DZIP1L: variants seen among roughly 807,000 people sequenced by gnomAD.
DZIP1L encodes cilium assembly protein DZIP1L.
In DZIP1L, 90 loss-of-function variants were observed where a neutral mutation model predicts 88.7. The observed-to-expected ratio is 1.02, with a 90% CI of 0.86 to 1.21. The LOEUF (loss-of-function observed/expected upper bound fraction) is 1.21. Among genes scored for constraint, DZIP1L ranks in the 50% most tolerant of loss-of-function variants. The pLI, the probability that DZIP1L is intolerant of heterozygous loss-of-function variation, is 0.00. For missense variants in DZIP1L, 932 were observed against 955.8 expected, an observed-to-expected ratio of 0.98 and a Z score of 0.33; for synonymous variants, 363 against 372.1, an observed-to-expected ratio of 0.98 and a Z score of 0.28.
chr3:138,075,371 T>C (rs1036685756), intron 11 of DZIP1L, among the ~76,000 whole-genome samples: 11 of 152,194 alleles, frequency 7.2e-5, no homozygotes, highest in African/African-American at 2.4e-4. Flanking sequence ...CATCAGCACA[T>C]GGAACATTCT....
intron 11 of DZIP1L, among the ~76,000 whole-genome samples, chr3:138,076,948 A>G (rs1943440322): frequency 6.6e-6 from 1 of 152,192 alleles, no homozygotes; most frequent in African/African-American, 2.4e-5. Context: ...AAAATAAAAT[A>G]TACATACATA....
intron 7 of DZIP1L, among the ~76,000 whole-genome samples, chr3:138,085,110 A>G (rs1943862596): frequency 1.3e-5 from 2 of 152,370 alleles, no homozygotes; most frequent in African/African-American, 2.4e-5. Context: ...TTAATTCAAG[A>G]TGGATTAAAG....
intron 2 of DZIP1L, 91 bp from the exon 3 acceptor site, chr3:138,097,938 G>T: frequency 9.1e-7 from 1 of 1,095,550 alleles, no homozygotes; most frequent in Non-Finnish European, 1.4e-6. Context: ...ATCCCCTTGG[G>T]ACCCCTGGGC....
In DZIP1L at chr3:138,077,510, C is replaced by A; in HGVS notation, c.1411G>T (p.Gly471Trp). The change falls in exon 11 of 16, where the codon GGG (glycine) becomes TGG (tryptophan). Residue 471 changes from glycine to tryptophan, a missense_variant. By Grantham distance (184) the Gly-to-Trp change is radical (BLOSUM62 -2). Coordinates refer to ENST00000327532, the MANE Select transcript of DZIP1L (RefSeq NM_173543.3). ...DTLEEKLESM[G>W]IRKDAKGISI... ...GCCCTGAAACTCACCTTCCTTATCCCCATGCTTTCGAGCTTCTCTTCCAGG... is the reference window on the plus strand; with the variant it reads ...GCCCTGAAACTCACCTTCCTTATCCACATGCTTTCGAGCTTCTCTTCCAGG... The A allele has an allele frequency of 6.2e-7, 1 of 1,614,180 alleles. No homozygotes were observed. The highest frequency in any genetic ancestry group is 1.3e-5 in the African/African-American group (1 of 75,062).
intron 10 of DZIP1L, among the ~76,000 whole-genome samples, chr3:138,079,178 C>T (rs573918775): frequency 1.3e-5 from 2 of 152,224 alleles, no homozygotes; most frequent in African/African-American, 2.4e-5. Flanking sequence ...TCCACTGTAA[C>T]AGCAGGGGCA....
At chr3:138,090,131 A>G (rs1013296832) in intron 5 of DZIP1L, among the ~76,000 whole-genome samples, 1 of 151,976 alleles carries the variant, frequency 6.6e-6, no homozygotes, top group Admixed American at 6.6e-5. Flanking sequence ...CAGGGTGAGA[A>G]CCCATCTTAA....
intron 3 of DZIP1L, among the ~76,000 whole-genome samples, chr3:138,096,708 C>T (rs1377063651): frequency 2.6e-5 from 4 of 151,970 alleles, no homozygotes; most frequent in Admixed American, 2.6e-4. Context: ...TTTCCTTAGC[C>T]TCCAATGCAG....
chr3:138,064,713 G>C lies in DZIP1L; in HGVS notation c.2057C>G (p.Ala686Gly). The C allele has an allele frequency of 6.2e-7, 1 of 1,609,636 alleles. No homozygotes were observed. Among genetic ancestry groups the C allele is most frequent in the South Asian group, 1.1e-5 (1 of 90,294 alleles). ...ACTGACCCCTCCAGCAGGCTTCTTT[G>C]CTGGAGCTTCTAGCTGCTTCTCCAG... ...KNLEKQLEAP[A>G]KKPAGGVSLF... The change falls in exon 15 of 16, where the codon GCA (alanine) becomes GGA (glycine). Residue 686 changes from alanine to glycine, a missense_variant. Ala to Gly is a moderately conservative substitution (Grantham distance 60). Transcript: ENST00000327532.
At chr3:138,115,264 G>C (rs1462831827) in intron 1 of DZIP1L, 64 bp downstream of exon 1, 1 of 152,244 alleles carries the variant, frequency 6.6e-6, no homozygotes, top group Non-Finnish European at 1.5e-5. Context: ...CTGCAGCCAA[G>C]CTACCCACCC....
intron 1 of DZIP1L, among the ~76,000 whole-genome samples, chr3:138,108,482 C>T (rs1276381653): frequency 2.6e-5 from 4 of 152,102 alleles, no homozygotes; most frequent in South Asian, 2.1e-4. Flanking sequence ...TTTTTGAATG[C>T]TCTTCCTTAA....
chr3:138,103,459 G>A lies in DZIP1L; in HGVS notation c.501+12C>T. On this transcript the variant is annotated intron_variant, in intron 2 of 15. Transcript: ENST00000327532. ...GCCCTCCCACTCTCCCTGCCTGGTG[G>A]AGATTCCTCACCGTGTGGTAGCTGT... 6.3e-7 allele frequency: 1 copy of A among 1,586,588 alleles called. No individual in the cohort carries two copies. The highest frequency in any genetic ancestry group is 2.2e-5 in the East Asian group (1 of 44,492).
At chr3:138,083,687 T>C (rs900840710) in intron 8 of DZIP1L, among the ~76,000 whole-genome samples, 2 of 152,198 alleles carry the variant, frequency 1.3e-5, no homozygotes, top group African/African-American at 2.4e-5. Flanking sequence ...CTGGCCAGAG[T>C]TGAATCTCAT....
intron 5 of DZIP1L, chr3:138,089,286 C>T: frequency 1.0e-6 from 1 of 985,264 alleles, no homozygotes; most frequent in Non-Finnish European, 1.2e-6. Flanking sequence ...TTTTCAGAGT[C>T]AAATGCTTGA....
At chr3:138,099,372 ATTC>A (rs1385591818) in intron 2 of DZIP1L, among the ~76,000 whole-genome samples, 6 of 152,154 alleles carry the variant, frequency 3.9e-5, no homozygotes, top group East Asian at 1.9e-4. Flanking sequence ...GCCCAAAACA[ATTC>A]TTCTTCTTCC....
chr3:138,064,570 A>T, intron 15 of DZIP1L, 58 bp downstream of exon 15: 1 of 1,613,754 alleles, frequency 6.2e-7, no homozygotes, highest in Non-Finnish European at 8.5e-7. Flanking sequence ...GGCCCCCCAA[A>T]CTCAGAGCTG....
intron 5 of DZIP1L, chr3:138,088,911 C>G (rs1365519842): frequency 1.0e-6 from 1 of 986,924 alleles, no homozygotes; most frequent in Non-Finnish European, 1.2e-6. Flanking sequence ...TGCCTCTCTC[C>G]CTACAAAACA....
chr3:138,064,698 C>T lies in DZIP1L; in HGVS notation c.2072G>A (p.Gly691Glu). The T allele has an allele frequency of 6.2e-7, 1 of 1,612,572 alleles. No homozygotes were observed. Among genetic ancestry groups the T allele is most frequent in the South Asian group, 1.1e-5 (1 of 90,808 alleles). The change falls in exon 15 of 16, where the codon GGA becomes GAA. Residue 691 changes from glycine (G) to glutamate (E), a missense_variant. Physicochemically the swap from Gly to Glu is moderately conservative, Grantham distance 98 (BLOSUM62 -2). Coordinates refer to ENST00000327532, the MANE Select transcript of DZIP1L (RefSeq NM_173543.3). ...GGGCATAAAAAACAGACTGACCCCT[C>T]CAGCAGGCTTCTTTGCTGGAGCTTC... ...QLEAPAKKPAGGVSLFFMPNA... is the reference protein window; with the variant it reads ...QLEAPAKKPAEGVSLFFMPNA...
In DZIP1L at chr3:138,103,625, T is replaced by A. The variant is rs1340097450; in HGVS notation, c.347A>T (p.Gln116Leu). Residue 116 changes from glutamine to leucine, a missense_variant, in exon 2 of 16, where the codon CAG becomes CTG. Coordinates refer to ENST00000327532, the MANE Select transcript of DZIP1L (RefSeq NM_173543.3). ...ASVAQLEARL[Q>L]TSLGQQQRGQ... ...ACGCTGCTGCTGGCCCAGGCTGGTCTGCAGCCGTGCCTCCAGCTGGGCAAC... is the reference window on the plus strand; with the variant it reads ...ACGCTGCTGCTGGCCCAGGCTGGTCAGCAGCCGTGCCTCCAGCTGGGCAAC... 6.2e-7 allele frequency: 1 copy of A among 1,606,478 alleles called. No homozygotes were observed. The highest frequency in any genetic ancestry group is 2.2e-5 in the East Asian group (1 of 44,784).
intron 13 of DZIP1L, 115 bp from the exon 14 acceptor site, chr3:138,067,815 T>A: frequency 1.2e-5 from 15 of 1,232,942 alleles, no homozygotes; most frequent in Non-Finnish European, 1.5e-5. Flanking sequence ...CCCTGCTCCC[T>A]CCCTCAGGCC....
Sources: allele counts gnomAD v4.1 joint callset (sites outside exome capture counted in the v4.1 genomes callset), GRCh38; gene constraint gnomAD v4.1.1; transcripts MANE v1.5; gene names NCBI Gene and HGNC (gene_info 2026-07-23, HGNC 2026-07-21).